PRKN: variants seen among roughly 807,000 people sequenced by gnomAD.
PRKN encodes E3 ubiquitin-protein ligase parkin.
In PRKN, 56 loss-of-function variants were observed where a neutral mutation model predicts 59.5. The ratio of observed to expected loss-of-function variants is 0.94; its 90% CI spans 0.76 to 1.18. The LOEUF (loss-of-function observed/expected upper bound fraction) is 1.18. Among genes scored for constraint, PRKN ranks in the 50% most tolerant of loss-of-function variants. PRKN has a pLI of 0.00. For synonymous variants in PRKN, 250 were observed against 222.1 expected, an observed-to-expected ratio of 1.13 and a Z score of -1.12; for missense variants, 657 against 596.4, an observed-to-expected ratio of 1.10 and a Z score of -1.06.
At chr6:162,336,331 T>C (rs1783845595) in intron 2 of PRKN, among the ~76,000 whole-genome samples, 1 of 152,182 alleles carries the variant, frequency 6.6e-6, no homozygotes, top group Non-Finnish European at 1.5e-5. Context: ...TTTCAGTCTA[T>C]GTTACAGCTA....
chr6:162,402,946 T>C (rs1391786912), intron 2 of PRKN, among the ~76,000 whole-genome samples: 1 of 152,076 alleles, frequency 6.6e-6, no homozygotes, highest in Non-Finnish European at 1.5e-5. Flanking sequence ...CCTGGCCCTG[T>C]CATGCATATA....
At chr6:162,140,313 T>C (rs1392950442) in intron 4 of PRKN, among the ~76,000 whole-genome samples, 1 of 152,188 alleles carries the variant, frequency 6.6e-6, no homozygotes, top group Non-Finnish European at 1.5e-5. Context: ...GAGAAACATA[T>C]GGCAGGTAAT....
chr6:162,276,462 C>T (rs1780640703), intron 2 of PRKN, among the ~76,000 whole-genome samples: 1 of 152,088 alleles, frequency 6.6e-6, no homozygotes. Context: ...ATGATTACAA[C>T]TAAAGATACT....
chr6:162,413,038 T>G lies in PRKN; in HGVS notation c.171+30272A>C, dbSNP rs79908848. On this transcript the variant is annotated intron_variant, in intron 2 of 11. Coordinates refer to ENST00000366898, the MANE Select transcript of PRKN (RefSeq NM_004562.3). ...ACCTGATACCATGAAAACATGAAAA[T>G]AATTTCTGGAATGTTTCATTTCTTA... Among the ~76,000 whole-genome samples the G allele has an allele frequency of 8.0e-3, 1,217 of 152,234 alleles. 19 individuals are homozygous for G. The highest frequency in any genetic ancestry group is 0.031 in the East Asian group (159 of 5,180).
chr6:162,460,246 C>T (rs1488981348), intron 1 of PRKN, among the ~76,000 whole-genome samples: 1 of 152,152 alleles, frequency 6.6e-6, no homozygotes, highest in Non-Finnish European at 1.5e-5. Context: ...AAACATTGTA[C>T]TCAGTGAAAG....
chr6:162,409,885 G>A (rs942159634), intron 2 of PRKN, among the ~76,000 whole-genome samples: 10 of 152,140 alleles, frequency 6.6e-5, no homozygotes, highest in African/African-American at 9.7e-5. Context: ...TGGGAGCAGC[G>A]GAATCAGTGT....
At chr6:162,720,362 A>C (rs1035186902) in intron 1 of PRKN, among the ~76,000 whole-genome samples, 9 of 151,686 alleles carry the variant, frequency 5.9e-5, no homozygotes, top group African/African-American at 1.9e-4. Context: ...CAGGTCTTAC[A>C]GTAAAAGTAA....
At chr6:161,970,459 T>G (rs1368926734) in intron 6 of PRKN, among the ~76,000 whole-genome samples, 1 of 151,072 alleles carries the variant, frequency 6.6e-6, no homozygotes, top group Admixed American at 6.6e-5. Context: ...ACACACACAC[T>G]GCAAATAGGC....
At chr6:161,421,200 C>G (rs1473558441) in intron 9 of PRKN, among the ~76,000 whole-genome samples, 2 of 152,164 alleles carry the variant, frequency 1.3e-5, no homozygotes, top group Non-Finnish European at 2.9e-5. Flanking sequence ...TTGAGGCATT[C>G]CTCATCTTGA....
intron 7 of PRKN, among the ~76,000 whole-genome samples, chr6:161,696,594 T>C (rs941732224): frequency 6.6e-6 from 1 of 152,212 alleles, no homozygotes; most frequent in African/African-American, 2.4e-5. Context: ...GGTCTTTCTA[T>C]TTCTGTAACA....
intron 3 of PRKN, among the ~76,000 whole-genome samples, chr6:162,234,001 G>C: frequency 6.6e-6 from 1 of 152,042 alleles, no homozygotes; most frequent in East Asian, 1.9e-4. Context: ...AACAGAAAAT[G>C]GACTAAGACA....
At chr6:161,534,428 G>A (rs1012698000) in intron 9 of PRKN, among the ~76,000 whole-genome samples, 1 of 152,196 alleles carries the variant, frequency 6.6e-6, no homozygotes, top group Non-Finnish European at 1.5e-5. Context: ...ATACAAAAAT[G>A]AATAGAAGGC....
chr6:161,535,039 G>A (rs1399748173), intron 9 of PRKN, among the ~76,000 whole-genome samples: 1 of 152,204 alleles, frequency 6.6e-6, no homozygotes, highest in Admixed American at 6.5e-5. Context: ...TGGTACATGT[G>A]GTTCTACATG....
intron 4 of PRKN, among the ~76,000 whole-genome samples, chr6:162,108,909 C>T (rs76796544): frequency 0.02 from 3,106 of 152,272 alleles, 111 homozygotes; most frequent in African/African-American, 0.072. Context: ...CAGGAAGGAA[C>T]TGAGGGGTAA....
chr6:162,152,502 T>C (rs547700968), intron 4 of PRKN, among the ~76,000 whole-genome samples: 2 of 152,282 alleles, frequency 1.3e-5, no homozygotes, highest in South Asian at 2.1e-4. Flanking sequence ...GTGAAAATGA[T>C]TGAAATGACC....
intron 7 of PRKN, chr6:161,716,039 C>A: frequency 8.2e-7 from 1 of 1,217,294 alleles, no homozygotes; most frequent in Non-Finnish European, 1.1e-6. Flanking sequence ...TCTGGTTTAG[C>A]GACACAGCCA....
At chr6:162,718,661 C>A (rs1029508485) in intron 1 of PRKN, among the ~76,000 whole-genome samples, 3 of 151,678 alleles carry the variant, frequency 2.0e-5, no homozygotes, top group Non-Finnish European at 2.9e-5. Context: ...TACAGTGAGC[C>A]GCGATCACGC....
chr6:162,409,729 C>A (rs1788258546), intron 2 of PRKN, among the ~76,000 whole-genome samples: 1 of 152,160 alleles, frequency 6.6e-6, no homozygotes, highest in South Asian at 2.1e-4. Flanking sequence ...GTTTAAACTA[C>A]ATCATGTAGG....
At position 161,428,617 on chromosome 6, in the gene PRKN, A is replaced by T. The variant is rs1173578098; in HGVS notation, c.1084-41740T>A. Among the ~76,000 whole-genome samples, 2 of 152,132 alleles carry T rather than the reference A, an allele frequency of 1.3e-5. No homozygotes were observed. Among genetic ancestry groups the T allele is most frequent in the Non-Finnish European group, 2.9e-5 (2 of 68,016 alleles). On this transcript the variant is annotated intron_variant, in intron 9 of 11. Coordinates refer to ENST00000366898, the MANE Select transcript of PRKN (RefSeq NM_004562.3). This position sits in a 1 kb window ranked among gnomAD's most constrained non-coding sequence, Gnocchi z 4.0. ...TGCTGTGTTCTCTGAGTGTTTTTCC[A>T]CACATCTGAAGGGCGATTCTTTGTC...
Sources: allele counts gnomAD v4.1 joint callset (sites outside exome capture counted in the v4.1 genomes callset), GRCh38; gene constraint gnomAD v4.1.1; non-coding constraint Gnocchi (gnomAD v3.1); transcripts MANE v1.5; gene names NCBI Gene and HGNC (gene_info 2026-07-23, HGNC 2026-07-21).